WDR49: variants seen among roughly 807,000 people sequenced by gnomAD.
WDR49 encodes cilia- and flagella-associated protein 337.
A neutral mutation model predicts 119.5 loss-of-function variants in WDR49; 107 were observed. The observed-to-expected ratio is 0.90, with a 90% CI of 0.77 to 1.05. WDR49 has a LOEUF of 1.05. Among genes scored for constraint, WDR49 ranks in the 50% least tolerant of loss-of-function variants. WDR49 has a pLI of 0.00. For missense variants in WDR49, 1,240 were observed against 1,220.5 expected (o/e 1.02, Z -0.24); for synonymous variants, 425 against 418.8 (o/e 1.01, Z -0.18).
rs1488529683 is a variant in WDR49 at position 167,653,446 on chromosome 3, G to A, written c.-21C>T. ...CTCATAATGGCTTCACCTTTTCTCA[G>A]TTGCCTTCAACTATTTCTATAAGGA... On this transcript the variant is annotated 5_prime_UTR_variant, in exon 2 of 19. Coordinates refer to ENST00000682715, the MANE Select transcript of WDR49 (RefSeq NM_001366157.1). The A allele has an allele frequency of 4.8e-6, 7 of 1,469,480 alleles. No homozygotes were observed. Among genetic ancestry groups the A allele is most frequent in the Non-Finnish European group, 8.9e-7 (1 of 1,117,372 alleles). 91.0% of individuals were successfully genotyped at this position (1,469,480 alleles called of 1,614,324 possible).
At position 167,627,092 on chromosome 3, in the gene WDR49, C is replaced by T. The variant is rs1452914580; in HGVS notation, c.366G>A (p.Lys122=). The change falls in exon 3 of 19, where the codon AAG becomes AAA. Residue 122 remains lysine, a synonymous_variant. Coordinates refer to ENST00000682715, the MANE Select transcript of WDR49 (RefSeq NM_001366157.1). ...CCTTCCACTGGGGCACCACAGTTGC[C>T]TTTGCTCGTTCATCTTGCTCATAAA... is the stretch of plus-strand genomic sequence containing the variant. The part of the protein sequence containing the change: ...LELYEQDERA[K]ATVVPQWKDL... The T allele has an allele frequency of 5.5e-6, 7 of 1,277,026 alleles. No individual in the cohort carries two copies. The highest frequency in any genetic ancestry group is 6.9e-6 in the Non-Finnish European group (7 of 1,011,134). 79.1% of individuals were successfully genotyped at this position (1,277,026 alleles called of 1,614,324 possible). A position where few individuals can be genotyped will look rare whatever the true frequency, so the allele number is the denominator to read the frequency against.
At chr3:167,589,850 T>C (rs527409627) in intron 7 of WDR49, among the ~76,000 whole-genome samples, 1 of 152,238 alleles carries the variant, frequency 6.6e-6, no homozygotes, top group East Asian at 1.9e-4. Context: ...CAAGATGTTA[T>C]TATCTGCAAA....
chr3:167,550,495 T>G (rs534537678), intron 10 of WDR49, among the ~76,000 whole-genome samples: 1 of 152,122 alleles, frequency 6.6e-6, no homozygotes, highest in East Asian at 1.9e-4. Flanking sequence ...CTCTTTTTCT[T>G]ATGTGTGCAT....
intron 7 of WDR49, among the ~76,000 whole-genome samples, chr3:167,597,765 A>G (rs939394898): frequency 6.6e-6 from 1 of 152,100 alleles, no homozygotes; most frequent in African/African-American, 2.4e-5. Context: ...TGGGTTTTGG[A>G]CTTGCATGAG....
chr3:167,644,891 T>C (rs1426705945), intron 2 of WDR49, among the ~76,000 whole-genome samples: 1 of 152,122 alleles, frequency 6.6e-6, no homozygotes, highest in African/African-American at 2.4e-5. Context: ...TTCTTTCTGA[T>C]TAGAGTATCA....
intron 10 of WDR49, among the ~76,000 whole-genome samples, chr3:167,542,958 G>A (rs1711933672): frequency 6.6e-6 from 1 of 151,996 alleles, no homozygotes. Flanking sequence ...TGAAATGGGA[G>A]ATATTACAAC....
intron 16 of WDR49, among the ~76,000 whole-genome samples, chr3:167,521,625 A>G (rs1403865481): frequency 6.6e-6 from 1 of 152,182 alleles, no homozygotes; most frequent in Admixed American, 6.6e-5. Context: ...ATAAATCAAA[A>G]GCGCCAAAAT....
At chr3:167,544,350 C>T (rs905526559) in intron 10 of WDR49, among the ~76,000 whole-genome samples, 1 of 151,930 alleles carries the variant, frequency 6.6e-6, no homozygotes, top group African/African-American at 2.4e-5. Flanking sequence ...AGAGCCCACA[C>T]AGCCAAAGTA....
At chr3:167,494,090 T>C (rs968878974) in intron 18 of WDR49, among the ~76,000 whole-genome samples, 1 of 152,208 alleles carries the variant, frequency 6.6e-6, no homozygotes, top group Non-Finnish European at 1.5e-5. Context: ...CATCATCTAG[T>C]GAATGGTTAG....
At chr3:167,505,935 A>G (rs980798994) in intron 16 of WDR49, among the ~76,000 whole-genome samples, 3 of 152,220 alleles carry the variant, frequency 2.0e-5, no homozygotes, top group Non-Finnish European at 4.4e-5. Flanking sequence ...TATCAATAAA[A>G]CATGGGAAAT....
At chr3:167,529,655 G>A (rs1752774074) in intron 13 of WDR49, among the ~76,000 whole-genome samples, 1 of 152,068 alleles carries the variant, frequency 6.6e-6, no homozygotes, top group African/African-American at 2.4e-5. Flanking sequence ...AAGTCCATAT[G>A]CACAGATTTG....
At chr3:167,549,321 T>G (rs959686940) in intron 10 of WDR49, among the ~76,000 whole-genome samples, 8 of 152,104 alleles carry the variant, frequency 5.3e-5, no homozygotes, top group Middle Eastern at 3.2e-3. Flanking sequence ...AGTGTAAAAG[T>G]GTTCCTATTT....
chr3:167,575,220 T>A, intron 8 of WDR49: 1 of 985,694 alleles, frequency 1.0e-6, no homozygotes. Flanking sequence ...CCCTTCATGA[T>A]ACCCACAGGC....
At position 167,478,907 on chromosome 3, in the gene WDR49, T is replaced by C. The variant is rs151139703; in HGVS notation, c.3121A>G (p.Ser1041Gly). ...RKAKQLCQEK[S>G]CEVKKNKK ...TTCTTATTTTTCTTCACTTCACAAC[T>C]TTTTTCTTGGCATAATTGCTTGGCT... is the stretch of plus-strand genomic sequence containing the variant. Residue 1041 changes from serine (S) to glycine (G), a missense_variant, in exon 19 of 19, where the codon AGT becomes GGT. Transcript: ENST00000682715. 6.0e-5 allele frequency: 96 copies of C among 1,608,274 alleles called. No homozygotes were observed. The Middle Eastern group carries it at 1.3e-3, about 22-fold the overall frequency.
At chr3:167,603,504 C>G (rs1056544717) in intron 6 of WDR49, among the ~76,000 whole-genome samples, 3 of 152,106 alleles carry the variant, frequency 2.0e-5, no homozygotes, top group African/African-American at 7.2e-5. Context: ...ATTTTATGGA[C>G]ACAGCTCCTT....
intron 18 of WDR49, among the ~76,000 whole-genome samples, chr3:167,487,642 T>C (rs956459059): frequency 6.6e-6 from 1 of 151,942 alleles, no homozygotes; most frequent in Non-Finnish European, 1.5e-5. Flanking sequence ...TGACAAAGAT[T>C]TGACATCCAG....
At chr3:167,625,769 C>T (rs566050607) in intron 3 of WDR49, among the ~76,000 whole-genome samples, 3 of 152,136 alleles carry the variant, frequency 2.0e-5, no homozygotes, top group African/African-American at 7.2e-5. Context: ...AGGCTTTACA[C>T]TTGACCACCA....
At position 167,528,326 on chromosome 3, in the gene WDR49, T is replaced by C. The variant is rs182210637; in HGVS notation, c.2407-309A>G. Among the ~76,000 whole-genome samples, 857 of 151,964 alleles carry C rather than the reference T, an allele frequency of 5.6e-3. 9 individuals are homozygous for C. The highest frequency in any genetic ancestry group is 0.021 in the Middle Eastern group (6 of 292). On this transcript the variant is annotated intron_variant, in intron 14 of 18. Transcript: ENST00000682715. ...TTTACCACATACAGGTGGTCACATA[T>C]ACAACGTTCAAATATTATTAGAAAA...
intron 18 of WDR49, among the ~76,000 whole-genome samples, chr3:167,492,053 G>A (rs559758143): frequency 2.0e-4 from 30 of 152,014 alleles, no homozygotes; most frequent in Admixed American, 1.8e-3. Flanking sequence ...AGGTAATTAC[G>A]GAGATTGCAG....
Sources: gnomAD v4.1 joint callset for allele counts (sites outside exome capture counted in the v4.1 genomes callset) on GRCh38, gnomAD v4.1.1 for gene constraint, MANE v1.5 for transcripts, NCBI Gene and HGNC (gene_info 2026-07-23, HGNC 2026-07-21) for gene names.